Variants in JARID2 observed in about 807,000 individuals in gnomAD.
The protein encoded by JARID2 is jumonji and AT-rich interaction domain containing 2.
JARID2 carries 21 observed loss-of-function variants against 125.6 expected under a neutral mutation model. The observed-to-expected ratio is 0.17, with a 90% CI of 0.12 to 0.24. The LOEUF (loss-of-function observed/expected upper bound fraction) is 0.24, where lower values mean the gene tolerates loss of function less well. Ranked by LOEUF, JARID2 falls within the 10% of genes least tolerant of loss-of-function variation. The pLI is 1.00. For synonymous variants in JARID2, 736 were observed against 661.6 expected, an observed-to-expected ratio of 1.11 and a Z score of -1.73; for missense variants, 1,303 against 1,639.6, an observed-to-expected ratio of 0.79 and a Z score of 3.55.
At chr6:15,366,820 GGTT>G (rs1055618737) in intron 1 of JARID2, among the ~76,000 whole-genome samples, 14 of 152,056 alleles carry the variant, frequency 9.2e-5, no homozygotes, top group African/African-American at 3.4e-4. Flanking sequence ...TTTATCACCA[GGTT>G]GTTATTTAAA....
intron 5 of JARID2, among the ~76,000 whole-genome samples, chr6:15,483,528 A>G (rs1174815144): frequency 1.3e-5 from 2 of 152,190 alleles, no homozygotes; most frequent in Non-Finnish European, 2.9e-5. Flanking sequence ...TATTTTGTTG[A>G]GATAAAATTC....
At chr6:15,325,426 G>A (rs571322396) in intron 1 of JARID2, among the ~76,000 whole-genome samples, 1 of 152,190 alleles carries the variant, frequency 6.6e-6, no homozygotes, top group South Asian at 2.1e-4. Flanking sequence ...AGGGATCAGC[G>A]GTCTAGAAGT....
At chr6:15,299,109 C>G (rs1426399625) in intron 1 of JARID2, among the ~76,000 whole-genome samples, 2 of 152,094 alleles carry the variant, frequency 1.3e-5, no homozygotes, top group Non-Finnish European at 2.9e-5. Flanking sequence ...GGAAAGAAAC[C>G]TGGCTATCTG....
intron 2 of JARID2, chr6:15,401,162 A>ATG (rs1327756704): frequency 1.1e-6 from 1 of 943,544 alleles, no homozygotes; most frequent in African/African-American, 1.8e-5. Context: ...TGCTATATAT[A>ATG]TATATATATA....
At chr6:15,382,736 A>G (rs1764637730) in intron 2 of JARID2, among the ~76,000 whole-genome samples, 1 of 152,240 alleles carries the variant, frequency 6.6e-6, no homozygotes, top group Non-Finnish European at 1.5e-5. Flanking sequence ...CACGCTTCCT[A>G]GTAGGCATGG....
At chr6:15,464,261 A>G (rs535399491) in intron 4 of JARID2, among the ~76,000 whole-genome samples, 2 of 152,236 alleles carry the variant, frequency 1.3e-5, no homozygotes, top group South Asian at 4.1e-4. Context: ...TTACAAGTGG[A>G]CATTCCAGCA....
chr6:15,403,845 G>A (rs1343161902), intron 2 of JARID2, among the ~76,000 whole-genome samples: 1 of 151,956 alleles, frequency 6.6e-6, no homozygotes, highest in African/African-American at 2.4e-5. Context: ...TATGTCCCCC[G>A]CGTCCACCTA....
At chr6:15,450,428 C>T (rs1328442673) in intron 3 of JARID2, among the ~76,000 whole-genome samples, 3 of 152,280 alleles carry the variant, frequency 2.0e-5, no homozygotes, top group South Asian at 2.1e-4. Context: ...CATCGGCCTC[C>T]CAAAGTGCTA....
intron 3 of JARID2, among the ~76,000 whole-genome samples, chr6:15,433,408 CTCTGTGTGTGTGTG>C (rs1201008191): frequency 4.3e-5 from 4 of 93,510 alleles, no homozygotes; most frequent in Admixed American, 3.6e-4. Context: ...CCCCATGTCT[CTCTGTGTGTGTGTG>C]TGTGTGTGTG....
In JARID2 at chr6:15,369,278, G is replaced by A. The variant is rs368927125; in HGVS notation, c.46-4839G>A. On this transcript the variant is annotated intron_variant, in intron 1 of 17. Coordinates refer to ENST00000341776, the MANE Select transcript of JARID2 (RefSeq NM_004973.4). Reference sequence around the variant, plus strand: ...CAGACCACCTGTACCTTAACCACTTGGCACAGTGTTTTTTACTAATTTTAG... The same window carrying A: ...CAGACCACCTGTACCTTAACCACTTAGCACAGTGTTTTTTACTAATTTTAG... 18 of 454,930 alleles carry A rather than the reference G, an allele frequency of 4.0e-5. No individual in the cohort carries two copies. The East Asian group carries it at 7.9e-4, about 20-fold the overall frequency. The allele number at this position is 454,930 out of a possible 1,614,324, so 28.2% of individuals were successfully genotyped here.
At chr6:15,247,337 T>G in intron 1 of JARID2, 1 of 724,690 alleles carries the variant, frequency 1.4e-6, no homozygotes, top group East Asian at 1.3e-4. Context: ...TAGATTTAAA[T>G]GGCTTGGAAT....
chr6:15,401,761 C>G (rs538723788), intron 2 of JARID2, among the ~76,000 whole-genome samples: 1 of 152,146 alleles, frequency 6.6e-6, no homozygotes, highest in Non-Finnish European at 1.5e-5. Context: ...TGTTTGGTGC[C>G]TCAAATCTTA....
chr6:15,315,156 T>C (rs996163853), intron 1 of JARID2: 4 of 152,222 alleles, frequency 2.6e-5, no homozygotes, highest in East Asian at 3.8e-4. Context: ...CGTATATTAA[T>C]GAAGAACAAA....
At chr6:15,447,588 C>G (rs1479843098) in intron 3 of JARID2, among the ~76,000 whole-genome samples, 2 of 152,228 alleles carry the variant, frequency 1.3e-5, no homozygotes, top group African/African-American at 4.8e-5. Flanking sequence ...CCCGTGCTCT[C>G]TCCACCCCAA....
At chr6:15,366,908 A>G (rs1764000619) in intron 1 of JARID2, among the ~76,000 whole-genome samples, 1 of 151,950 alleles carries the variant, frequency 6.6e-6, no homozygotes. Flanking sequence ...TGTCTATGTT[A>G]TATTTGTTTT....
chr6:15,300,287 C>A (rs571676538), intron 1 of JARID2, among the ~76,000 whole-genome samples: 1 of 152,210 alleles, frequency 6.6e-6, no homozygotes, highest in Admixed American at 6.5e-5. Context: ...ATGAGCAAAG[C>A]CTGGTGTGAT....
chr6:15,263,859 C>G (rs2127332854), intron 1 of JARID2, among the ~76,000 whole-genome samples: 1 of 152,262 alleles, frequency 6.6e-6, no homozygotes, highest in East Asian at 1.9e-4. Context: ...TCCCAAAATG[C>G]TGGGATTACA....
At chr6:15,506,133 T>G (rs1770994523) in intron 9 of JARID2, among the ~76,000 whole-genome samples, 1 of 152,276 alleles carries the variant, frequency 6.6e-6, no homozygotes, top group Admixed American at 6.5e-5. Flanking sequence ...ACTTCAGGCC[T>G]GGATTGCCTA....
At chr6:15,375,416 T>C (rs1764315586) in intron 2 of JARID2, among the ~76,000 whole-genome samples, 1 of 152,180 alleles carries the variant, frequency 6.6e-6, no homozygotes, top group African/African-American at 2.4e-5. Flanking sequence ...AGTGGCTCAG[T>C]CATGTGTGCG....
Sources: allele counts gnomAD v4.1 joint callset (sites outside exome capture counted in the v4.1 genomes callset), GRCh38; gene constraint gnomAD v4.1.1; transcripts MANE v1.5; gene names NCBI Gene and HGNC (gene_info 2026-07-23, HGNC 2026-07-21).